CSMD1: variants seen among roughly 807,000 people sequenced by gnomAD.
The protein encoded by CSMD1 is CUB and sushi domain-containing protein 1.
CSMD1 carries 213 observed loss-of-function variants against 417.5 expected under a neutral mutation model. That is an observed-to-expected ratio of 0.51 (90% confidence interval 0.46 to 0.57). The LOEUF is 0.57. Among genes scored for constraint, CSMD1 ranks in the 20% least tolerant of loss-of-function variants. The pLI, the probability that CSMD1 is intolerant of heterozygous loss-of-function variation, is 0.00. For synonymous variants in CSMD1, 2,862 were observed against 1,736.8 expected (o/e 1.65, Z -16.11); for missense variants, 6,923 against 4,529.7 (o/e 1.53, Z -15.17).
rs117098586 is a variant in CSMD1, at chr8:3,490,566, A to G, written c.1448+3057T>C. 6.2e-3 allele frequency among the ~76,000 whole-genome samples: 943 copies of G among 152,290 alleles called. 32 individuals are homozygous for G. In the South Asian group the frequency reaches 0.096, roughly 15 times the overall value. On this transcript the variant is annotated intron_variant, in intron 11 of 69. Coordinates refer to ENST00000635120, the MANE Select transcript of CSMD1 (RefSeq NM_033225.6). ...TTTTTCAGCTCTCCGGAGTGTTTGC[A>G]TGCATTATTTCATTTTTCTATTTCC...
At chr8:4,340,256 G>T (rs548439084) in intron 3 of CSMD1, among the ~76,000 whole-genome samples, 2 of 152,098 alleles carry the variant, frequency 1.3e-5, no homozygotes, top group African/African-American at 2.4e-5. Context: ...CTGAAGCCTG[G>T]AAGATTTGTC....
At chr8:2,942,671 A>C in intron 68 of CSMD1, 67 bp from the exon 69 acceptor site, 2 of 1,261,050 alleles carry the variant, frequency 1.6e-6, no homozygotes, top group Non-Finnish European at 2.1e-6. Context: ...CATATGATAA[A>C]TTTTGTAAAT....
At chr8:4,191,397 G>C (rs185073101) in intron 3 of CSMD1, among the ~76,000 whole-genome samples, 5 of 150,770 alleles carry the variant, frequency 3.3e-5, no homozygotes, top group East Asian at 2.0e-4. Context: ...CTCTGTCTCA[G>C]AAAAAACAAA....
chr8:3,771,457 G>A lies in CSMD1; in HGVS notation c.819-17415C>T, dbSNP rs2897574. Among the ~76,000 whole-genome samples, 749 of 152,100 alleles carry A rather than the reference G, an allele frequency of 4.9e-3. 7 individuals carry two copies. The highest frequency in any genetic ancestry group is 0.017 in the African/African-American group (700 of 41,500). ...GCAAGTTCTTCTCTCAGTTGCTGGT[G>A]GGGGGGCAAGCAGGGCCAGGCCAAT... On this transcript the variant is annotated intron_variant, in intron 5 of 69. Coordinates refer to ENST00000635120, the MANE Select transcript of CSMD1 (RefSeq NM_033225.6).
Position 3,429,080 on chromosome 8 carries a change from G to C in CSMD1, c.1562-19475C>G, listed in dbSNP as rs547487996. On this transcript the variant is annotated intron_variant, in intron 12 of 69. Transcript: ENST00000635120. ...GGGGAGAGATGAGTTAACAGGTGCA[G>C]GGTCTCAGGTAGAAGTAAGAAGTTC... 2.0e-5 allele frequency among the ~76,000 whole-genome samples: 3 copies of C among 152,246 alleles called. No individual in the cohort carries two copies. The South Asian group carries it at 6.2e-4, about 32-fold the overall frequency.
rs10102088 is a variant in CSMD1 at position 3,118,889 on chromosome 8, A to C, written c.6242-302T>G. ...GGCATATGATGTAAATTATTTAAGA[A>C]AGTAATACAGGCTGGGAGCGGTGGC... On this transcript the variant is annotated intron_variant, in intron 41 of 69. Coordinates refer to ENST00000635120, the MANE Select transcript of CSMD1 (RefSeq NM_033225.6). 6.7e-3 allele frequency among the ~76,000 whole-genome samples: 1,026 copies of C among 152,264 alleles called. 14 individuals are homozygous for C. The highest frequency in any genetic ancestry group is 0.023 in the African/African-American group (966 of 41,552).
At chr8:4,611,770 A>G (rs1325453242) in intron 2 of CSMD1, among the ~76,000 whole-genome samples, 5 of 152,142 alleles carry the variant, frequency 3.3e-5, no homozygotes, top group African/African-American at 9.7e-5. Context: ...AAATGTAGCA[A>G]AATTACTCAG....
At chr8:4,332,608 GAGTCAT>G (rs1799934162) in intron 3 of CSMD1, among the ~76,000 whole-genome samples, 1 of 93,620 alleles carries the variant, frequency 1.1e-5, no homozygotes, top group African/African-American at 5.2e-5. Flanking sequence ...CACACACACA[GAGTCAT>G]ATGCAGAGAC....
chr8:3,671,773 G>A (rs1368008042), intron 7 of CSMD1, among the ~76,000 whole-genome samples: 1 of 151,726 alleles, frequency 6.6e-6, no homozygotes, highest in Non-Finnish European at 1.5e-5. Flanking sequence ...CTCAGGTGCT[G>A]TTAAATTGGA....
At chr8:3,301,983 CAA>C (rs1401841247) in intron 25 of CSMD1, among the ~76,000 whole-genome samples, 1 of 151,902 alleles carries the variant, frequency 6.6e-6, no homozygotes, top group Non-Finnish European at 1.5e-5. Flanking sequence ...TATAATTTAT[CAA>C]AAGAATTCCA....
At chr8:3,901,839 T>C (rs1322830801) in intron 5 of CSMD1, among the ~76,000 whole-genome samples, 1 of 152,230 alleles carries the variant, frequency 6.6e-6, no homozygotes, top group African/African-American at 2.4e-5. Flanking sequence ...TGCATCCTGA[T>C]ATTACCATGG....
intron 5 of CSMD1, among the ~76,000 whole-genome samples, chr8:3,960,527 T>G (rs943227676): frequency 1.3e-5 from 2 of 152,168 alleles, no homozygotes; most frequent in Non-Finnish European, 2.9e-5. Flanking sequence ...AAATTAGCAT[T>G]TAAGTGTGCC....
At chr8:3,284,065 G>C (rs1802950146) in intron 26 of CSMD1, 79 bp downstream of exon 26, 2 of 1,162,312 alleles carry the variant, frequency 1.7e-6, no homozygotes, top group Non-Finnish European at 2.5e-6. Context: ...AGACGCTGGT[G>C]AATATAAATG....
chr8:3,900,528 TGGG>T (rs1807673896), intron 5 of CSMD1, among the ~76,000 whole-genome samples: 1 of 151,852 alleles, frequency 6.6e-6, no homozygotes, highest in African/African-American at 2.4e-5. Flanking sequence ...ACACTACAGC[TGGG>T]TGACAGTGAA....
intron 3 of CSMD1, among the ~76,000 whole-genome samples, chr8:4,149,402 G>A (rs149582102): frequency 1.3e-5 from 2 of 152,274 alleles, no homozygotes; most frequent in Admixed American, 6.5e-5. Flanking sequence ...GGTGGTAACT[G>A]CCATAGCTCT....
intron 1 of CSMD1, among the ~76,000 whole-genome samples, chr8:4,873,243 T>C (rs775644329): frequency 2.4e-4 from 36 of 151,814 alleles, no homozygotes; most frequent in Non-Finnish European, 4.7e-4. Context: ...TTTGCAGAGG[T>C]TTGAAATTCA....
chr8:3,212,673 AG>A (rs1050680098), intron 30 of CSMD1, among the ~76,000 whole-genome samples: 14 of 152,142 alleles, frequency 9.2e-5, no homozygotes, highest in Admixed American at 2.6e-4. Context: ...ACTCTGTGCC[AG>A]TCTCTACTGC....
chr8:3,923,842 T>G, intron 5 of CSMD1, among the ~76,000 whole-genome samples: 1 of 152,226 alleles, frequency 6.6e-6, no homozygotes, highest in African/African-American at 2.4e-5. Context: ...TTACATTCCA[T>G]AGATAAGTGA....
At chr8:3,224,305 T>C (rs1243762960) in intron 27 of CSMD1, among the ~76,000 whole-genome samples, 1 of 152,224 alleles carries the variant, frequency 6.6e-6, no homozygotes, top group African/African-American at 2.4e-5. Flanking sequence ...GTTTATAAAA[T>C]CATTGCCTAT....
Sources: gnomAD v4.1 joint callset for allele counts (sites outside exome capture counted in the v4.1 genomes callset) on GRCh38, gnomAD v4.1.1 for gene constraint, MANE v1.5 for transcripts, NCBI Gene and HGNC (gene_info 2026-07-23, HGNC 2026-07-21) for gene names.